Variants in SORCS1 observed in about 807,000 individuals in gnomAD.
SORCS1 encodes the protein VPS10 domain-containing receptor SorCS1.
SORCS1 carries 60 observed loss-of-function variants against 146.1 expected under a neutral mutation model. The ratio of observed to expected loss-of-function variants is 0.41; its 90% CI spans 0.33 to 0.51. The LOEUF (loss-of-function observed/expected upper bound fraction) is 0.51, where lower values mean the gene tolerates loss of function less well. Among genes scored for constraint, SORCS1 ranks in the 20% least tolerant of loss-of-function variants. SORCS1 has a pLI of 0.21. For missense variants in SORCS1, 1,352 were observed against 1,487.6 expected, an observed-to-expected ratio of 0.91 and a Z score of 1.50; for synonymous variants, 637 against 584.0, an observed-to-expected ratio of 1.09 and a Z score of -1.31.
chr10:106,848,157 G>A (rs1227706900), intron 2 of SORCS1, among the ~76,000 whole-genome samples: 4 of 88,442 alleles, frequency 4.5e-5, no homozygotes, highest in African/African-American at 1.3e-4. Flanking sequence ...TTTCTGTCTC[G>A]TTGATCTGTC....
At chr10:106,944,013 A>G (rs377378671) in intron 2 of SORCS1, among the ~76,000 whole-genome samples, 7 of 152,196 alleles carry the variant, frequency 4.6e-5, no homozygotes, top group African/African-American at 1.7e-4. Context: ...TTTCCCTTAC[A>G]AAATCTATTA....
chr10:106,869,220 G>C (rs1016846477), intron 2 of SORCS1, among the ~76,000 whole-genome samples: 5 of 152,052 alleles, frequency 3.3e-5, no homozygotes, highest in African/African-American at 1.2e-4. Flanking sequence ...ACCAATAAAA[G>C]CCCAGGAACA....
At chr10:107,043,222 A>C (rs1207997358) in intron 1 of SORCS1, among the ~76,000 whole-genome samples, 1 of 152,266 alleles carries the variant, frequency 6.6e-6, no homozygotes, top group East Asian at 1.9e-4. Context: ...TAGGCTGGGT[A>C]AAAAAACTGG....
chr10:107,063,699 C>A (rs1328229), intron 1 of SORCS1, among the ~76,000 whole-genome samples: 83,760 of 152,048 alleles, frequency 0.55, 24,696 homozygotes, highest in African/African-American at 0.75. Flanking sequence ...TTCTTCCTGA[C>A]AGGGACTTAG....
intron 1 of SORCS1, among the ~76,000 whole-genome samples, chr10:107,029,775 C>G (rs1210832322): frequency 6.6e-6 from 1 of 152,192 alleles, no homozygotes; most frequent in African/African-American, 2.4e-5. Context: ...TGCATACAAA[C>G]TCATTCTATT....
intron 13 of SORCS1, among the ~76,000 whole-genome samples, chr10:106,675,918 G>T (rs1439677041): frequency 6.6e-6 from 1 of 152,074 alleles, no homozygotes; most frequent in East Asian, 1.9e-4. Flanking sequence ...ACCCAAAAGT[G>T]GAACCCTCAT....
At position 106,794,572 on chromosome 10, in the gene SORCS1, G is replaced by T. The variant is rs1220954653; in HGVS notation, c.727-17880C>A. 4.1e-5 allele frequency among the ~76,000 whole-genome samples: 6 copies of T among 147,006 alleles called. No individual in the cohort carries two copies. In the East Asian group the frequency reaches 1.2e-3, roughly 30 times the overall value. Reference sequence around the variant, plus strand: ...GGCTGGAGTGCAGTGGCACGATCTCGGCTCACTGCAAGCTGTGCCTCCCGG... The same window carrying T: ...GGCTGGAGTGCAGTGGCACGATCTCTGCTCACTGCAAGCTGTGCCTCCCGG... On this transcript the variant is annotated intron_variant, in intron 3 of 25. Transcript: ENST00000263054.
intron 2 of SORCS1, among the ~76,000 whole-genome samples, chr10:106,908,587 G>A (rs961934369): frequency 7.2e-5 from 11 of 152,186 alleles, no homozygotes; most frequent in African/African-American, 2.7e-4. Flanking sequence ...TCTGCTCGGG[G>A]GAATGTGTCC....
At chr10:107,005,077 C>CTGTA (rs1419136753) in intron 1 of SORCS1, among the ~76,000 whole-genome samples, 1 of 152,148 alleles carries the variant, frequency 6.6e-6, no homozygotes, top group Non-Finnish European at 1.5e-5. Flanking sequence ...AAAATTCCAG[C>CTGTA]TACAGCAATC....
the SORCS1 span, among the ~76,000 whole-genome samples, chr10:107,177,429 A>G: frequency 6.6e-6 from 1 of 152,190 alleles, no homozygotes; most frequent in Non-Finnish European, 1.5e-5. Context: ...ATAAAGTCAC[A>G]ATATGGAACA....
intron 1 of SORCS1, among the ~76,000 whole-genome samples, chr10:107,107,702 C>T (rs993493420): frequency 5.3e-5 from 8 of 152,116 alleles, no homozygotes; most frequent in East Asian, 3.8e-4. Context: ...CAGGGGAGCC[C>T]GATATTCAGT....
At chr10:106,661,217 C>T (rs76794078) in intron 17 of SORCS1, among the ~76,000 whole-genome samples, 82 of 152,216 alleles carry the variant, frequency 5.4e-4, no homozygotes, top group African/African-American at 1.8e-3. Context: ...GGGGTTATTT[C>T]GGCACTAACA....
intron 20 of SORCS1, among the ~76,000 whole-genome samples, chr10:106,618,534 A>G (rs1001811286): frequency 1.3e-5 from 2 of 152,190 alleles, no homozygotes; most frequent in African/African-American, 4.8e-5. Flanking sequence ...GGAGATGGAT[A>G]GGTCTTGCTT....
intron 9 of SORCS1, among the ~76,000 whole-genome samples, chr10:106,696,185 G>A (rs1216758829): frequency 2.6e-5 from 4 of 152,170 alleles, no homozygotes; most frequent in Non-Finnish European, 5.9e-5. Context: ...CCCCAAATGT[G>A]AGCAGACATG....
At chr10:107,003,452 G>GTA (rs908207474) in intron 1 of SORCS1, among the ~76,000 whole-genome samples, 13 of 151,566 alleles carry the variant, frequency 8.6e-5, no homozygotes, top group Non-Finnish European at 1.5e-4. Flanking sequence ...GTGTGTGTGT[G>GTA]TGTGTGTGTG....
intron 1 of SORCS1, among the ~76,000 whole-genome samples, chr10:106,963,671 G>A (rs1368105213): frequency 7.1e-6 from 1 of 140,438 alleles, no homozygotes; most frequent in Non-Finnish European, 1.5e-5. Flanking sequence ...CTTGAATCCT[G>A]GGGGGGGGCC....
chr10:106,732,950 A>T (rs1260350429), intron 5 of SORCS1, among the ~76,000 whole-genome samples: 3 of 151,780 alleles, frequency 2.0e-5, no homozygotes, highest in Non-Finnish European at 4.4e-5. Flanking sequence ...GAAACCCCGT[A>T]TCTACTAAAA....
At chr10:106,782,208 T>C (rs1860948787) in intron 3 of SORCS1, among the ~76,000 whole-genome samples, 1 of 152,178 alleles carries the variant, frequency 6.6e-6, no homozygotes, top group East Asian at 1.9e-4. Flanking sequence ...CCTTTTGATT[T>C]CAAACTGGTT....
At chr10:107,173,931 T>A in the SORCS1 span, among the ~76,000 whole-genome samples, 4 of 152,216 alleles carry the variant, frequency 2.6e-5, no homozygotes, top group Non-Finnish European at 5.9e-5. Flanking sequence ...AAGCACTTCT[T>A]AATTATTAGA....
Sources: gnomAD v4.1 joint callset for allele counts (sites outside exome capture counted in the v4.1 genomes callset) on GRCh38, gnomAD v4.1.1 for gene constraint, MANE v1.5 for transcripts, NCBI Gene and HGNC (gene_info 2026-07-23, HGNC 2026-07-21) for gene names.